Variants in RAD51B observed in about 807,000 individuals in gnomAD.
RAD51B encodes RAD51 paralog B.
In RAD51B, 38 loss-of-function variants were observed where a neutral mutation model predicts 42.2. That is an observed-to-expected ratio of 0.90 (90% CI 0.70 to 1.18). The LOEUF (loss-of-function observed/expected upper bound fraction) is 1.18, where lower values mean the gene tolerates loss of function less well. Among genes scored for constraint, RAD51B ranks in the 50% most tolerant of loss-of-function variants. RAD51B has a pLI of 0.00. For missense variants in RAD51B, 373 were observed against 400.7 expected, an observed-to-expected ratio of 0.93 and a Z score of 0.59; for synonymous variants, 154 against 145.2, an observed-to-expected ratio of 1.06 and a Z score of -0.43.
intron 7 of RAD51B, among the ~76,000 whole-genome samples, chr14:67,902,035 C>T (rs1425078418): frequency 6.6e-6 from 1 of 151,916 alleles, no homozygotes; most frequent in Non-Finnish European, 1.5e-5. Context: ...CACTGTATCC[C>T]ATACATTTAT....
At chr14:68,310,907 G>A (rs1271465866) in intron 8 of RAD51B, among the ~76,000 whole-genome samples, 1 of 152,018 alleles carries the variant, frequency 6.6e-6, no homozygotes, top group Non-Finnish European at 1.5e-5. Context: ...TTTAGATAGT[G>A]GTCTTCCATC....
intron 10 of RAD51B, among the ~76,000 whole-genome samples, chr14:68,637,782 A>G (rs1892371164): frequency 6.6e-6 from 1 of 152,232 alleles, no homozygotes; most frequent in African/African-American, 2.4e-5. Context: ...AGGGTCGGTC[A>G]GGCGTTCATG....
At chr14:68,013,305 G>A (rs1215981558) in intron 7 of RAD51B, among the ~76,000 whole-genome samples, 1 of 152,118 alleles carries the variant, frequency 6.6e-6, no homozygotes, top group Non-Finnish European at 1.5e-5. Flanking sequence ...TCCTTCTTAT[G>A]ACAGAGCCTT....
intron 7 of RAD51B, among the ~76,000 whole-genome samples, chr14:68,138,200 G>A (rs961812569): frequency 3.3e-5 from 5 of 152,044 alleles, no homozygotes; most frequent in Non-Finnish European, 7.4e-5. Context: ...TCCTAATGAT[G>A]TTGTTACTTC....
At chr14:68,245,325 T>G (rs891602232) in intron 7 of RAD51B, among the ~76,000 whole-genome samples, 2 of 152,220 alleles carry the variant, frequency 1.3e-5, no homozygotes, top group African/African-American at 4.8e-5. Context: ...GCAACTATGG[T>G]TGATCAGATT....
At chr14:68,299,681 A>T (rs2081684935) in intron 8 of RAD51B, among the ~76,000 whole-genome samples, 1 of 152,196 alleles carries the variant, frequency 6.6e-6, no homozygotes, top group Non-Finnish European at 1.5e-5. Flanking sequence ...AGAAGGCTAC[A>T]CAATTAGTGG....
chr14:68,266,671 A>G (rs2080997929), intron 7 of RAD51B, among the ~76,000 whole-genome samples: 1 of 152,230 alleles, frequency 6.6e-6, no homozygotes, highest in Non-Finnish European at 1.5e-5. Context: ...CAAAGTTATC[A>G]GAGGGAATGA....
At chr14:68,176,295 A>T (rs1208663027) in intron 7 of RAD51B, among the ~76,000 whole-genome samples, 1 of 152,216 alleles carries the variant, frequency 6.6e-6, no homozygotes, top group Non-Finnish European at 1.5e-5. Context: ...TAAGAAACTT[A>T]TCCAAGATTC....
chr14:68,354,870 G>T (rs1166569458), intron 8 of RAD51B, among the ~76,000 whole-genome samples: 1 of 152,136 alleles, frequency 6.6e-6, no homozygotes, highest in East Asian at 1.9e-4. Context: ...ATTTTGACGT[G>T]GGAGCCCCAT....
At chr14:68,412,747 G>A (rs1483490925) in intron 9 of RAD51B, among the ~76,000 whole-genome samples, 1 of 152,130 alleles carries the variant, frequency 6.6e-6, no homozygotes, top group East Asian at 1.9e-4. Flanking sequence ...TGAAGAGTCT[G>A]GTATCCTAGG....
At chr14:67,854,698 C>T (rs2041930305) in intron 4 of RAD51B, among the ~76,000 whole-genome samples, 1 of 151,598 alleles carries the variant, frequency 6.6e-6, no homozygotes, top group Admixed American at 6.6e-5. Context: ...TGTGGTGGCT[C>T]ATGCCTGTAA....
intron 8 of RAD51B, among the ~76,000 whole-genome samples, chr14:68,331,367 C>CAAAAAAAAAAAAA (rs778136542): frequency 0.067 from 2,196 of 32,762 alleles, 457 homozygotes; most frequent in Non-Finnish European, 0.1. Flanking sequence ...GACTCTGTCT[C>CAAAAAAAAAAAAA]AAAAAAAAAA....
chr14:68,026,512 T>C (rs1019806661), intron 7 of RAD51B, among the ~76,000 whole-genome samples: 1 of 152,200 alleles, frequency 6.6e-6, no homozygotes, highest in African/African-American at 2.4e-5. Context: ...GAACTTGTTT[T>C]ATGAATCTCG....
At chr14:68,337,745 T>A (rs891081615) in intron 8 of RAD51B, among the ~76,000 whole-genome samples, 2 of 152,204 alleles carry the variant, frequency 1.3e-5, no homozygotes, top group Admixed American at 6.5e-5. Flanking sequence ...AACCACTTGC[T>A]TATTGCCTAG....
At chr14:67,844,143 TG>T (rs1490237015) in intron 4 of RAD51B, among the ~76,000 whole-genome samples, 1 of 152,156 alleles carries the variant, frequency 6.6e-6, no homozygotes, top group Non-Finnish European at 1.5e-5. Flanking sequence ...TTTATTTCCA[TG>T]TAATTGTATG....
chr14:68,222,766 C>A (rs2079956312), intron 7 of RAD51B, among the ~76,000 whole-genome samples: 1 of 152,188 alleles, frequency 6.6e-6, no homozygotes, highest in Non-Finnish European at 1.5e-5. Context: ...ATTTTCTTCA[C>A]TTTTCTATGC....
At chr14:68,509,563 ATGTTTGG>A (rs1257299771) in intron 10 of RAD51B, among the ~76,000 whole-genome samples, 1 of 152,210 alleles carries the variant, frequency 6.6e-6, no homozygotes, top group Non-Finnish European at 1.5e-5. Flanking sequence ...CTGAAGAATG[ATGTTTGG>A]AAGGAAGGAA....
intron 7 of RAD51B, among the ~76,000 whole-genome samples, chr14:68,112,031 A>G (rs2077468002): frequency 6.6e-6 from 1 of 152,066 alleles, no homozygotes. Flanking sequence ...AGCTCATAAT[A>G]GGATCTCTGC....
chr14:68,570,358 G>A (rs976831195), intron 10 of RAD51B, among the ~76,000 whole-genome samples: 2 of 152,240 alleles, frequency 1.3e-5, no homozygotes, highest in Non-Finnish European at 2.9e-5. Context: ...TGCAAGGTTA[G>A]AAGGCCTGAG....
Sources: gnomAD v4.1 joint callset for allele counts (sites outside exome capture counted in the v4.1 genomes callset) on GRCh38, gnomAD v4.1.1 for gene constraint, MANE v1.5 for transcripts, NCBI Gene and HGNC (gene_info 2026-07-23, HGNC 2026-07-21) for gene names.